Variants in VTA1 observed in about 807,000 individuals in gnomAD.
The protein encoded by VTA1 is vacuolar protein sorting-associated protein VTA1 homolog.
In VTA1, 24 loss-of-function variants were observed where a neutral mutation model predicts 36.9. That is an observed-to-expected ratio of 0.65 (90% CI 0.47 to 0.91). The LOEUF is 0.91. VTA1 is among the 40% of genes least tolerant of loss of function. The probability of loss-of-function intolerance (pLI) is 0.00; values close to 1 mark genes in which losing one functional copy is unlikely to be tolerated. For synonymous variants in VTA1, 142 were observed against 130.2 expected (o/e 1.09, Z -0.62); for missense variants, 393 against 377.2 (o/e 1.04, Z -0.35).
chr6:142,209,552 ATATT>A (rs1176583357), intron 7 of VTA1, among the ~76,000 whole-genome samples: 12 of 151,082 alleles, frequency 7.9e-5, no homozygotes, highest in African/African-American at 2.7e-4. Flanking sequence ...CTATGTGTAT[ATATT>A]AATAACTAAG....
chr6:142,162,826 G>A lies in VTA1; in HGVS notation c.113-3402G>A, dbSNP rs144079144. Among the ~76,000 whole-genome samples the A allele has an allele frequency of 2.8e-3, 426 of 152,246 alleles. 1 individual carries two copies. The highest frequency in any genetic ancestry group is 4.7e-3 in the Non-Finnish European group (322 of 67,992). ...GGAGAAGACTGATCATAATGAAGAA[G>A]TAGTAAGAAGCCAGGGAACTGGAAA... On this transcript the variant is annotated intron_variant, in intron 1 of 7. Coordinates refer to ENST00000367630, the MANE Select transcript of VTA1 (RefSeq NM_016485.5).
intron 7 of VTA1, among the ~76,000 whole-genome samples, chr6:142,213,451 A>G (rs942136769): frequency 6.6e-6 from 1 of 152,144 alleles, no homozygotes; most frequent in African/African-American, 2.4e-5. Flanking sequence ...CAGTAGGTCT[A>G]CCATTCTGAG....
intron 1 of VTA1, among the ~76,000 whole-genome samples, chr6:142,152,563 G>T (rs1778588195): frequency 6.6e-6 from 1 of 151,876 alleles, no homozygotes; most frequent in African/African-American, 2.4e-5. Context: ...ATAAATATTT[G>T]ATTTAATTCA....
At chr6:142,150,204 G>A (rs1025978192) in intron 1 of VTA1, among the ~76,000 whole-genome samples, 3 of 152,044 alleles carry the variant, frequency 2.0e-5, no homozygotes, top group African/African-American at 4.8e-5. Context: ...TGATAACATT[G>A]TAGCTGCTAT....
chr6:142,188,269 T>TG (rs1403692922), intron 4 of VTA1, among the ~76,000 whole-genome samples: 3 of 128,926 alleles, frequency 2.3e-5, no homozygotes, highest in Non-Finnish European at 4.8e-5. Context: ...AGAGTCTCTC[T>TG]CTGCTGCTCA....
intron 5 of VTA1, among the ~76,000 whole-genome samples, chr6:142,192,154 C>T (rs1236428455): frequency 6.6e-6 from 1 of 151,984 alleles, no homozygotes; most frequent in Non-Finnish European, 1.5e-5. Flanking sequence ...TACTTTTTCA[C>T]CTTTAAGAAG....
intron 1 of VTA1, among the ~76,000 whole-genome samples, chr6:142,161,196 A>G (rs1774801886): frequency 6.6e-6 from 1 of 151,778 alleles, no homozygotes; most frequent in African/African-American, 2.4e-5. Context: ...ATCCCTTCAC[A>G]AAGGATAATA....
intron 7 of VTA1, among the ~76,000 whole-genome samples, chr6:142,208,187 C>G (rs897815930): frequency 6.6e-6 from 1 of 150,942 alleles, no homozygotes; most frequent in Non-Finnish European, 1.5e-5. Flanking sequence ...TAAGAAAACT[C>G]ATTGACCTCT....
At chr6:142,181,000 G>T (rs1775215898) in intron 4 of VTA1, among the ~76,000 whole-genome samples, 1 of 146,982 alleles carries the variant, frequency 6.8e-6, no homozygotes, top group South Asian at 2.2e-4. Flanking sequence ...TCCGATTTTT[G>T]AGATTGTCCT....
intron 1 of VTA1, among the ~76,000 whole-genome samples, chr6:142,159,429 T>C (rs1774737359): frequency 6.6e-6 from 1 of 151,202 alleles, no homozygotes; most frequent in Admixed American, 6.6e-5. Context: ...AATCTTTTCT[T>C]TTTTGGTGTC....
intron 5 of VTA1, among the ~76,000 whole-genome samples, chr6:142,195,840 TG>T (rs1775534908): frequency 6.6e-6 from 1 of 152,090 alleles, no homozygotes. Flanking sequence ...TTGAGGTGTT[TG>T]TAGATATCTT....
chr6:142,205,119 C>G (rs1288424640), intron 7 of VTA1, among the ~76,000 whole-genome samples: 1 of 152,152 alleles, frequency 6.6e-6, no homozygotes, highest in Non-Finnish European at 1.5e-5. Flanking sequence ...TGAGTGGGAA[C>G]TGGCCAATAA....
chr6:142,217,496 G>T (rs1776022916), intron 7 of VTA1, among the ~76,000 whole-genome samples: 1 of 151,618 alleles, frequency 6.6e-6, no homozygotes, highest in African/African-American at 2.4e-5. Context: ...TTGCTACCTA[G>T]TTTGAAATCT....
chr6:142,198,117 ATATGTGTGTGTGTGTGTGTG>A (rs1250635139), intron 5 of VTA1, among the ~76,000 whole-genome samples: 2 of 78,634 alleles, frequency 2.5e-5, no homozygotes, highest in African/African-American at 8.0e-5. Flanking sequence ...ATATATATAT[ATATGTGTGTGTGTGTGTGTG>A]TGTGTGTGTG....
intron 4 of VTA1, among the ~76,000 whole-genome samples, chr6:142,183,114 G>T (rs1775274147): frequency 6.6e-6 from 1 of 152,182 alleles, no homozygotes; most frequent in Admixed American, 6.5e-5. Context: ...AAGATGGCAT[G>T]TAAGCCTTGA....
intron 6 of VTA1, among the ~76,000 whole-genome samples, chr6:142,199,173 A>G (rs1349465990): frequency 6.6e-6 from 1 of 152,154 alleles, no homozygotes; most frequent in Non-Finnish European, 1.5e-5. Flanking sequence ...TAAAAAACTA[A>G]CAGGAAAGAG....
chr6:142,160,390 T>C (rs1170169773), intron 1 of VTA1, among the ~76,000 whole-genome samples: 1 of 152,194 alleles, frequency 6.6e-6, no homozygotes, highest in Non-Finnish European at 1.5e-5. Context: ...TCTTTGGCCT[T>C]GAGGAGCTTC....
chr6:142,216,771 A>C (rs1776011397), intron 7 of VTA1, among the ~76,000 whole-genome samples: 1 of 152,204 alleles, frequency 6.6e-6, no homozygotes, highest in African/African-American at 2.4e-5. Context: ...TATGTCAGCC[A>C]AACAGTGCTA....
At chr6:142,189,212 C>T (rs1023679811) in intron 4 of VTA1, among the ~76,000 whole-genome samples, 24 of 152,094 alleles carry the variant, frequency 1.6e-4, no homozygotes, top group African/African-American at 5.8e-4. Flanking sequence ...GAGAACTGGG[C>T]GTATGTTTTG....
Sources: gnomAD v4.1 joint callset for allele counts (sites outside exome capture counted in the v4.1 genomes callset) on GRCh38, gnomAD v4.1.1 for gene constraint, MANE v1.5 for transcripts, NCBI Gene and HGNC (gene_info 2026-07-23, HGNC 2026-07-21) for gene names.